The following VIM variants were observed in gnomAD, a reference collection of about 807,000 sequenced individuals.
VIM encodes vimentin, also known as epididymis secretory sperm binding protein.
In VIM, 18 loss-of-function variants were observed where a neutral mutation model predicts 50.3. The ratio of observed to expected loss-of-function variants is 0.36; its 90% confidence interval spans 0.25 to 0.53. The LOEUF is 0.53. Ranked by LOEUF, VIM falls within the 20% of genes least tolerant of loss-of-function variation. The pLI is 0.91. For missense variants in VIM, 551 were observed against 614.7 expected, an observed-to-expected ratio of 0.90 and a Z score of 1.10; for synonymous variants, 245 against 248.5, an observed-to-expected ratio of 0.99 and a Z score of 0.13.
At chr10:17,236,045 C>A in intron 8 of VIM, 156 bp downstream of exon 8, 1 of 805,486 alleles carries the variant, frequency 1.2e-6, no homozygotes, top group Non-Finnish European at 2.0e-6. Context: ...TACACTCTTG[C>A]ATTCTATGCT....
rs748381490 is a variant in VIM at position 17,229,452 on chromosome 10, C to T, written c.30C>T (p.Ser10=). 6.2e-7 allele frequency: 1 copy of T among 1,607,014 alleles called. No homozygotes were observed. Among genetic ancestry groups the T allele is most frequent in the East Asian group, 2.2e-5 (1 of 44,712 alleles). Residue 10 remains serine (S), a synonymous_variant, in exon 2 of 10, where the codon TCC becomes TCT. Coordinates refer to ENST00000544301, the MANE Select transcript of VIM (RefSeq NM_003380.5). MSTRSVSSS[S]YRRMFGGPGT... Reference sequence around the variant, plus strand: ...CCACCAGGTCCGTGTCCTCGTCCTCCTACCGCAGGATGTTCGGCGGCCCGG... The same window carrying T: ...CCACCAGGTCCGTGTCCTCGTCCTCTTACCGCAGGATGTTCGGCGGCCCGG...
intron 3 of VIM, among the ~76,000 whole-genome samples, chr10:17,232,602 A>G (rs992119207): frequency 6.6e-6 from 1 of 152,240 alleles, no homozygotes; most frequent in African/African-American, 2.4e-5. Flanking sequence ...GAGAAAGCCA[A>G]GCAAATACAG....
In VIM at chr10:17,229,815, G is replaced by T; in HGVS notation, c.393G>T (p.Leu131=). ...TCCTGGAGCAGCAGAATAAGATCCT[G>T]CTGGCCGAGCTCGAGCAGCTCAAGG... The part of the protein sequence containing the change: ...VRFLEQQNKI[L]LAELEQLKGQ... The change falls in exon 2 of 10, where the codon CTG becomes CTT. Residue 131 remains leucine (L), a synonymous_variant. Transcript: ENST00000544301. 1 of 1,599,732 alleles carries T rather than the reference G, an allele frequency of 6.3e-7. No homozygotes were observed. Among genetic ancestry groups the T allele is most frequent in the Non-Finnish European group, 8.5e-7 (1 of 1,173,414 alleles).
At chr10:17,230,129 G>T in intron 2 of VIM, 144 bp downstream of exon 2, 1 of 1,078,988 alleles carries the variant, frequency 9.3e-7, no homozygotes, top group Non-Finnish European at 1.3e-6. Flanking sequence ...GGAGAGCGGG[G>T]CTGTGGCTGT....
intron 2 of VIM, 100 bp from the exon 3 acceptor site, chr10:17,230,550 C>A: frequency 7.5e-7 from 1 of 1,332,664 alleles, no homozygotes; most frequent in South Asian, 1.2e-5. Context: ...GGTGGCGCAG[C>A]TGCTCTGGAG....
chr10:17,231,729 C>G (rs770855793), intron 3 of VIM, among the ~76,000 whole-genome samples: 2 of 151,146 alleles, frequency 1.3e-5, no homozygotes, highest in Non-Finnish European at 2.9e-5. Flanking sequence ...AGTAATAAAC[C>G]CAAGGCTGAA....
rs745329934 is a variant in VIM at position 17,230,000 on chromosome 10, A to C, written c.563+15A>C. On this transcript the variant is annotated intron_variant, in intron 2 of 9. Transcript: ENST00000544301. ...CTCCGGGAGAAGTAAGGCTGCGCCC[A>C]TGCAAGTAGCTGGGCCTCGGGAGGG... 6.9e-6 allele frequency: 11 copies of C among 1,603,228 alleles called. No individual in the cohort carries two copies. Among genetic ancestry groups the C allele is most frequent in the Non-Finnish European group, 9.4e-6 (11 of 1,175,888 alleles).
At chr10:17,229,164 C>CCCCCCCCA (rs2131678961) in intron 1 of VIM, 112 bp from the exon 2 acceptor site, 1 of 170,962 alleles carries the variant, frequency 5.8e-6, no homozygotes, top group Non-Finnish European at 1.3e-5. Context: ...CCCACCCTCC[C>CCCCCCCCA]CGCTTCTCGC....
Position 17,229,279 on chromosome 10 carries a change from T to G in VIM, c.-144T>G. On this transcript the variant is annotated 5_prime_UTR_variant, in exon 2 of 10. Transcript: ENST00000544301. ...CAGCGCCCTCGGCGGGGTCCAGTCC[T>G]CTGCCACTCTCGCTCCGAGGTCCCC... 1.2e-6 allele frequency: 1 copy of G among 842,538 alleles called. No individual in the cohort carries two copies. The highest frequency in any genetic ancestry group is 1.9e-6 in the Non-Finnish European group (1 of 535,012). The allele number at this position is 842,538 out of a possible 1,614,324, so 52.2% of individuals were successfully genotyped here. A position where few individuals can be genotyped will look rare whatever the true frequency, so the allele number is the denominator to read the frequency against.
At position 17,236,124 on chromosome 10, in the gene VIM, G is replaced by A. The variant is rs976435290; in HGVS notation, c.1274-170G>A. 6 of 738,270 alleles carry A rather than the reference G, an allele frequency of 8.1e-6. No individual in the cohort carries two copies. The Admixed American group carries it at 1.3e-4, about 16-fold the overall frequency. 45.7% of individuals were successfully genotyped at this position (738,270 alleles called of 1,614,324 possible). Reference sequence around the variant, plus strand: ...TACTATCTCATCCTGATGCTCAAGAGTGTCAGGGCCTGGGTTTCCAAACAG... The same window carrying A: ...TACTATCTCATCCTGATGCTCAAGAATGTCAGGGCCTGGGTTTCCAAACAG... On this transcript the variant is annotated intron_variant, in intron 8 of 9. Coordinates refer to ENST00000544301, the MANE Select transcript of VIM (RefSeq NM_003380.5).
Position 17,229,803 on chromosome 10 carries a change from G to A in VIM, c.381G>A (p.Gln127=), listed in dbSNP as rs1248095048. 1.3e-6 allele frequency: 2 copies of A among 1,597,822 alleles called. No homozygotes were observed. Among genetic ancestry groups the A allele is most frequent in the Admixed American group, 1.8e-5 (1 of 56,902 alleles). Reference sequence around the variant, plus strand: ...ACAAGGTGCGCTTCCTGGAGCAGCAGAATAAGATCCTGCTGGCCGAGCTCG... The same window carrying A: ...ACAAGGTGCGCTTCCTGGAGCAGCAAAATAAGATCCTGCTGGCCGAGCTCG... ...YIDKVRFLEQ[Q]NKILLAELEQ... Residue 127 remains glutamine (Q), a synonymous_variant, in exon 2 of 10, where the codon CAG becomes CAA. Transcript: ENST00000544301.
At chr10:17,236,138 G>T (rs1846885367) in intron 8 of VIM, 156 bp from the exon 9 acceptor site, 1 of 770,468 alleles carries the variant, frequency 1.3e-6, no homozygotes, top group African/African-American at 1.7e-5. Flanking sequence ...CAGGGCCTGG[G>T]TTTCCAAACA....
chr10:17,233,714 G>C (rs1444281158), intron 4 of VIM, 32 bp downstream of exon 4: 2 of 1,614,054 alleles, frequency 1.2e-6, no homozygotes, highest in Non-Finnish European at 1.7e-6. Flanking sequence ...GAATGAATGA[G>C]GGTAAGGCAG....
intron 6 of VIM, 31 bp from the exon 7 acceptor site, chr10:17,235,138 T>C: frequency 6.2e-7 from 1 of 1,610,154 alleles, no homozygotes; most frequent in South Asian, 1.1e-5. Context: ...TTCTGAGAAA[T>C]AACACCAGAC....
intron 6 of VIM, 83 bp downstream of exon 6, chr10:17,234,901 T>C (rs1304163887): frequency 1.9e-6 from 3 of 1,582,374 alleles, no homozygotes; most frequent in African/African-American, 1.3e-5. Flanking sequence ...GAACAAAATG[T>C]TGAGTGAGTA....
At position 17,235,293 on chromosome 10, in the gene VIM, G is replaced by A. The variant is rs761834421; in HGVS notation, c.1133G>A (p.Arg378His). The change falls in exon 7 of 10, where the codon CGT (arginine) becomes CAT (histidine). Residue 378 changes from arginine (R) to histidine (H), a missense_variant. Arg to His is a conservative substitution (Grantham distance 29, BLOSUM62 0). Coordinates refer to ENST00000544301, the MANE Select transcript of VIM (RefSeq NM_003380.5). Reference protein sequence around the residue: ...EIQNMKEEMARHLREYQDLLN... With the variant: ...EIQNMKEEMAHHLREYQDLLN... ...CAGAATATGAAGGAGGAAATGGCTC[G>A]TCACCTTCGTGAATACCAAGACCTG... The A allele has an allele frequency of 1.4e-5, 23 of 1,613,606 alleles. No homozygotes were observed. The highest frequency in any genetic ancestry group is 1.6e-4 in the Middle Eastern group (1 of 6,084).
intron 7 of VIM, chr10:17,235,626 A>C: frequency 1.4e-6 from 1 of 692,338 alleles, no homozygotes; most frequent in East Asian, 2.7e-5. Context: ...CTCCACTCCT[A>C]ACTCCTGTTC....
intron 3 of VIM, 114 bp from the exon 4 acceptor site, chr10:17,233,473 C>T (rs368445741): frequency 1.3e-4 from 131 of 1,028,620 alleles, no homozygotes; most frequent in South Asian, 9.9e-4. Context: ...AATGTGTCAA[C>T]GGCTTTTCTA....
chr10:17,233,548 T>A (rs752182026), intron 3 of VIM, 39 bp from the exon 4 acceptor site: 3 of 1,593,066 alleles, frequency 1.9e-6, no homozygotes, highest in Admixed American at 3.3e-5. Context: ...CATACACTTT[T>A]ACATCCTCCA....
Sources: allele counts gnomAD v4.1 joint callset (sites outside exome capture counted in the v4.1 genomes callset), GRCh38; gene constraint gnomAD v4.1.1; transcripts MANE v1.5; gene names NCBI Gene and HGNC (gene_info 2026-07-23, HGNC 2026-07-21).